The following SLC36A1 variants were observed in gnomAD, a reference collection of about 807,000 sequenced individuals.
SLC36A1 encodes the protein solute carrier family 36 member 1.
In SLC36A1, 30 loss-of-function variants were observed where a neutral mutation model predicts 47.5. That is an observed-to-expected ratio of 0.63 (90% CI 0.47 to 0.86). The LOEUF is 0.86. Ranked by LOEUF, SLC36A1 falls within the 40% of genes least tolerant of loss-of-function variation. The pLI, the probability that SLC36A1 is intolerant of heterozygous loss-of-function variation, is 0.00. For synonymous variants in SLC36A1, 255 were observed against 249.7 expected, an observed-to-expected ratio of 1.02 and a Z score of -0.20; for missense variants, 517 against 606.0, an observed-to-expected ratio of 0.85 and a Z score of 1.54.
At chr5:151,399,929 A>G in the SLC36A1 span, among the ~76,000 whole-genome samples, 1 of 152,198 alleles carries the variant, frequency 6.6e-6, no homozygotes. Context: ...TTGAGTTGTT[A>G]CAACATCCAT....
chr5:151,554,404 T>G, the SLC36A1 span: 1 of 1,614,188 alleles, frequency 6.2e-7, no homozygotes, highest in Non-Finnish European at 8.5e-7. Flanking sequence ...TGCTGCTGGA[T>G]GAAACCACAC....
At chr5:151,433,250 ATATATATATATATATATTTTTTTTTT>A (rs2127433486), upstream of SLC36A1, among the ~76,000 whole-genome samples, 1 of 12,638 alleles carries the variant, frequency 7.9e-5, no homozygotes, top group African/African-American at 3.3e-4. Flanking sequence ...ATATATATAT[ATATATATATATATATATTTTTTTTTT>A]TTTTTTTTTT....
At position 151,458,754 on chromosome 5, in the gene SLC36A1, G is replaced by A. The variant is rs1359836032; in HGVS notation, c.-5-34G>A. The A allele has an allele frequency of 6.2e-6, 10 of 1,601,894 alleles. No individual in the cohort carries two copies. The East Asian group carries it at 2.0e-4, about 32-fold the overall frequency. On this transcript the variant is annotated intron_variant, in intron 1 of 10. Coordinates refer to ENST00000243389, the MANE Select transcript of SLC36A1 (RefSeq NM_078483.4). The stretch of plus-strand genomic sequence containing the variant: ...AAATATGGAGCTAAAGGCTCCAGCT[G>A]CAGGAGGTCTTAATGCTGGCCCTGT...
the SLC36A1 span, among the ~76,000 whole-genome samples, chr5:151,400,169 G>A: frequency 2.6e-5 from 4 of 152,092 alleles, no homozygotes; most frequent in East Asian, 3.9e-4. Flanking sequence ...TTCCTCCCCC[G>A]TCTAGTAGTT....
chr5:151,480,017 C>T (rs982079592), intron 10 of SLC36A1: 4 of 1,026,210 alleles, frequency 3.9e-6, no homozygotes, highest in Non-Finnish European at 5.6e-6. Flanking sequence ...TTTGATTGAT[C>T]ACTTGTGTTT....
At position 151,465,160 on chromosome 5, in the gene SLC36A1, A is replaced by G; in HGVS notation, c.410A>G (p.His137Arg). ...SPCSWLRNHA[H>R]WGRRVVDFFL... ...TGCTCCTGGCTCCGGAACCACGCAC[A>G]CTGGGGAAGGTAACTGATTTCCTCC... The change falls in exon 5 of 11, where the codon CAC becomes CGC. Residue 137 changes from histidine (H) to arginine (R), a missense_variant. His to Arg is a conservative substitution (Grantham distance 29). Coordinates refer to ENST00000243389, the MANE Select transcript of SLC36A1 (RefSeq NM_078483.4). 2 of 1,613,742 alleles carry G rather than the reference A, an allele frequency of 1.2e-6. No homozygotes were observed. Among genetic ancestry groups the G allele is most frequent in the South Asian group, 1.1e-5 (1 of 91,070 alleles).
upstream of SLC36A1, among the ~76,000 whole-genome samples, chr5:151,434,953 A>G (rs1440820602): frequency 1.3e-5 from 2 of 152,240 alleles, no homozygotes. Flanking sequence ...CTAAGGCAAC[A>G]TCAAATCAGA....
At chr5:151,358,044 T>G in the SLC36A1 span, among the ~76,000 whole-genome samples, 1 of 152,184 alleles carries the variant, frequency 6.6e-6, no homozygotes, top group South Asian at 2.1e-4. Context: ...CTTGATTGGT[T>G]AAGGCTCAGC....
intron 4 of SLC36A1, 28 bp downstream of exon 4, chr5:151,464,630 G>A (rs771213018): frequency 1.9e-6 from 3 of 1,595,204 alleles, no homozygotes; most frequent in South Asian, 1.1e-5. Context: ...CACCTCTCAA[G>A]TGACAGATTG....
the SLC36A1 span, chr5:151,540,835 G>A: frequency 7.3e-7 from 1 of 1,371,860 alleles, no homozygotes; most frequent in Admixed American, 2.2e-5. Context: ...ACAGGTGGCT[G>A]CCCATTGGAT....
the SLC36A1 span, among the ~76,000 whole-genome samples, chr5:151,390,542 C>G: frequency 6.6e-6 from 1 of 152,156 alleles, no homozygotes; most frequent in Non-Finnish European, 1.5e-5. Context: ...GGTTTTACGT[C>G]TAACATTTAA....
At chr5:151,381,647 G>A in the SLC36A1 span, among the ~76,000 whole-genome samples, 1 of 152,106 alleles carries the variant, frequency 6.6e-6, no homozygotes, top group Non-Finnish European at 1.5e-5. Flanking sequence ...CCCTGCACTT[G>A]ACAGATCAGC....
the SLC36A1 span, chr5:151,538,002 A>G: frequency 6.6e-7 from 1 of 1,524,344 alleles, no homozygotes; most frequent in Non-Finnish European, 9.0e-7. Context: ...TCAGATCCAG[A>G]GAGAAGCAGA....
intron 8 of SLC36A1, among the ~76,000 whole-genome samples, chr5:151,475,257 A>C (rs1757888873): frequency 6.6e-6 from 1 of 152,228 alleles, no homozygotes; most frequent in Non-Finnish European, 1.5e-5. Context: ...CAGAGACCTT[A>C]GGTTCTTGGG....
chr5:151,475,934 G>A (rs1001442163), intron 8 of SLC36A1, among the ~76,000 whole-genome samples: 1 of 152,206 alleles, frequency 6.6e-6, no homozygotes, highest in Non-Finnish European at 1.5e-5. Context: ...TTTCATAGGG[G>A]CCTTTCCTTT....
At chr5:151,437,996 C>G (rs1759872491) in intron 1 of SLC36A1, among the ~76,000 whole-genome samples, 1 of 152,162 alleles carries the variant, frequency 6.6e-6, no homozygotes, top group Non-Finnish European at 1.5e-5. Context: ...CTCTGACCCT[C>G]CTGCCTCCCT....
chr5:151,358,723 C>T, the SLC36A1 span, among the ~76,000 whole-genome samples: 348 of 152,118 alleles, frequency 2.3e-3, 3 homozygotes, highest in Non-Finnish European at 3.8e-3. Context: ...CCTGTAATCC[C>T]GGCACTTTGG....
chr5:151,394,897 C>T, the SLC36A1 span, among the ~76,000 whole-genome samples: 7 of 152,194 alleles, frequency 4.6e-5, no homozygotes, highest in East Asian at 3.9e-4. Context: ...TCTCCAGCTG[C>T]GTGCTAGGAG....
chr5:151,467,360 T>C, intron 6 of SLC36A1, 77 bp downstream of exon 6: 1 of 1,065,212 alleles, frequency 9.4e-7, no homozygotes, highest in Non-Finnish European at 1.4e-6. Flanking sequence ...AGTTTTTGTT[T>C]AGGATTTTTT....
Sources: allele counts gnomAD v4.1 joint callset (sites outside exome capture counted in the v4.1 genomes callset), GRCh38; gene constraint gnomAD v4.1.1; transcripts MANE v1.5; gene names NCBI Gene and HGNC (gene_info 2026-07-23, HGNC 2026-07-21).